The following HDHD2 variants were observed in gnomAD, a reference collection of about 807,000 sequenced individuals.
HDHD2 encodes the protein haloacid dehalogenase-like hydrolase domain-containing protein 2.
HDHD2 carries 26 observed loss-of-function variants against 24.8 expected under a neutral mutation model. The observed-to-expected ratio is 1.05, with a 90% CI of 0.77 to 1.45. HDHD2 has a LOEUF of 1.45. Among genes scored for constraint, HDHD2 ranks in the 40% most tolerant of loss-of-function variants. The probability of loss-of-function intolerance (pLI) is 0.00; values close to 1 mark genes in which losing one functional copy is unlikely to be tolerated. For missense variants in HDHD2, 299 were observed against 313.4 expected, an observed-to-expected ratio of 0.95 and a Z score of 0.35; for synonymous variants, 128 against 114.9, an observed-to-expected ratio of 1.11 and a Z score of -0.73.
chr18:47,149,388 T>TAAAG, intron 1 of HDHD2, among the ~76,000 whole-genome samples: 1 of 152,146 alleles, frequency 6.6e-6, no homozygotes, highest in South Asian at 2.1e-4. Flanking sequence ...TTCCAGACTT[T>TAAAG]TCTGGAACCA....
intron 2 of HDHD2, among the ~76,000 whole-genome samples, chr18:47,135,478 C>T (rs1034385358): frequency 6.6e-5 from 10 of 152,078 alleles, no homozygotes; most frequent in African/African-American, 1.9e-4. Flanking sequence ...TCAGGCTGGT[C>T]TCGAACTCCC....
At chr18:47,140,065 T>C (rs904121604) in intron 1 of HDHD2, among the ~76,000 whole-genome samples, 3 of 152,222 alleles carry the variant, frequency 2.0e-5, no homozygotes, top group Non-Finnish European at 1.5e-5. Flanking sequence ...TTCTTCATAT[T>C]TTTTACCAAT....
At chr18:47,123,061 G>A (rs968952768) in intron 4 of HDHD2, among the ~76,000 whole-genome samples, 4 of 152,250 alleles carry the variant, frequency 2.6e-5, no homozygotes, top group South Asian at 2.1e-4. Flanking sequence ...GTCCCAGACA[G>A]TGTAACATAG....
chr18:47,150,281 G>C (rs942589074), intron 1 of HDHD2, 97 bp downstream of exon 1: 1 of 152,496 alleles, frequency 6.6e-6, no homozygotes, highest in African/African-American at 2.4e-5. Flanking sequence ...GGGCGGCCTG[G>C]GGGCGCCACT....
chr18:47,145,016 C>A lies in HDHD2; in HGVS notation c.-11+5362G>T, dbSNP rs148519596. Among the ~76,000 whole-genome samples, 19 of 151,972 alleles carry A rather than the reference C, an allele frequency of 1.3e-4. 1 individual carries two copies. Among genetic ancestry groups the A allele is most frequent in the Non-Finnish European group, 2.4e-4 (16 of 67,992 alleles). The stretch of plus-strand genomic sequence containing the variant: ...ATGTGTAAGGAACAAAAGGCAAGAT[C>A]AAAAATATGAGGAGAAAACACATGA... On this transcript the variant is annotated intron_variant, in intron 1 of 6. Transcript: ENST00000300605.
intron 1 of HDHD2, chr18:47,149,065 A>G (rs1419405612): frequency 6.6e-6 from 1 of 152,210 alleles, no homozygotes; most frequent in African/African-American, 2.4e-5. Context: ...AGAATTGTGA[A>G]TTGTGTCCCG....
At chr18:47,141,588 A>G (rs984327644) in intron 1 of HDHD2, among the ~76,000 whole-genome samples, 1 of 152,236 alleles carries the variant, frequency 6.6e-6, no homozygotes, top group African/African-American at 2.4e-5. Context: ...TTATGTAATC[A>G]GTATGGGCTC....
intron 1 of HDHD2, chr18:47,150,084 A>C (rs2063914840): frequency 6.6e-6 from 1 of 152,394 alleles, no homozygotes; most frequent in African/African-American, 2.4e-5. Context: ...TAGCTCCAAA[A>C]TACAGCCCAA....
chr18:47,139,515 TGTAA>T (rs1248474930), intron 1 of HDHD2, among the ~76,000 whole-genome samples: 7 of 137,910 alleles, frequency 5.1e-5, no homozygotes, highest in Non-Finnish European at 7.9e-5. Context: ...CATTGATAAA[TGTAA>T]GTAAGTGTTT....
chr18:47,136,693 C>T (rs1399284856), intron 1 of HDHD2, among the ~76,000 whole-genome samples: 4 of 150,516 alleles, frequency 2.7e-5, no homozygotes, highest in Non-Finnish European at 5.9e-5. Flanking sequence ...GGAAGCAAAA[C>T]GCTTACAGAG....
At chr18:47,111,718 T>C in intron 6 of HDHD2, 2 of 985,444 alleles carry the variant, frequency 2.0e-6, no homozygotes, top group Non-Finnish European at 2.4e-6. Context: ...AGACAGTGTT[T>C]TCACTCTTTG....
chr18:47,115,772 A>C (rs147585625), intron 4 of HDHD2, among the ~76,000 whole-genome samples: 60 of 152,136 alleles, frequency 3.9e-4, no homozygotes, highest in African/African-American at 1.4e-3. Context: ...AGTGATATTA[A>C]CTCCTAAAAT....
At chr18:47,124,703 A>T (rs2063640234) in intron 4 of HDHD2, among the ~76,000 whole-genome samples, 1 of 95,352 alleles carries the variant, frequency 1.0e-5, no homozygotes, top group African/African-American at 4.0e-5. Context: ...TGAAACTCTG[A>T]CTCAAAAAAA....
intron 5 of HDHD2, among the ~76,000 whole-genome samples, chr18:47,114,250 T>C (rs2063539041): frequency 6.6e-6 from 1 of 152,176 alleles, no homozygotes; most frequent in African/African-American, 2.4e-5. Context: ...AGGAGGACTG[T>C]GATACACATT....
intron 4 of HDHD2, among the ~76,000 whole-genome samples, chr18:47,119,868 G>C (rs556020536): frequency 1.2e-4 from 19 of 152,278 alleles, no homozygotes; most frequent in African/African-American, 4.6e-4. Flanking sequence ...TGGCAGAATG[G>C]GTGTTGTGTT....
In HDHD2 at chr18:47,146,193, G is replaced by C. The variant is rs2063868080; in HGVS notation, c.-11+4185C>G. 5.5e-5 allele frequency among the ~76,000 whole-genome samples: 8 copies of C among 144,408 alleles called. No individual in the cohort carries two copies. In the South Asian group the frequency reaches 1.7e-3, roughly 32 times the overall value. The allele number at this position is 144,408 out of a possible 152,430, so 94.7% of individuals were successfully genotyped here. ...GCAGTGAGGCCGAGATCACACCATT[G>C]CACTTCAGCCTGGGCGACAGAGCAA... On this transcript the variant is annotated intron_variant, in intron 1 of 6. Coordinates refer to ENST00000300605, the MANE Select transcript of HDHD2 (RefSeq NM_032124.5).
intron 4 of HDHD2, among the ~76,000 whole-genome samples, chr18:47,128,786 C>A (rs1208282522): frequency 6.6e-6 from 1 of 152,200 alleles, no homozygotes; most frequent in Admixed American, 6.5e-5. Context: ...TGTTCTCAAA[C>A]TGCTATTTCT....
chr18:47,142,055 C>T (rs1239431121), intron 1 of HDHD2, among the ~76,000 whole-genome samples: 1 of 152,148 alleles, frequency 6.6e-6, no homozygotes, highest in Non-Finnish European at 1.5e-5. Flanking sequence ...TTGCCTTATG[C>T]CATGATTGTG....
chr18:47,125,128 C>T (rs2063645672), intron 4 of HDHD2, among the ~76,000 whole-genome samples: 1 of 152,012 alleles, frequency 6.6e-6, no homozygotes, highest in Non-Finnish European at 1.5e-5. Context: ...TGCCACTGCA[C>T]TCTAGCCTGG....
Sources: allele counts gnomAD v4.1 joint callset (sites outside exome capture counted in the v4.1 genomes callset), GRCh38; gene constraint gnomAD v4.1.1; transcripts MANE v1.5; gene names NCBI Gene and HGNC (gene_info 2026-07-23, HGNC 2026-07-21).